Variants in CRTAC1 observed in about 807,000 individuals in gnomAD.
The protein encoded by CRTAC1 is cartilage acidic protein 1.
Under a neutral mutation model 67.8 loss-of-function variants are expected in CRTAC1, and 37 were observed. The observed-to-expected ratio is 0.55, with a 90% CI of 0.42 to 0.72. The LOEUF (loss-of-function observed/expected upper bound fraction) is 0.72, where lower values mean the gene tolerates loss of function less well. Ranked by LOEUF, CRTAC1 falls within the 30% of genes least tolerant of loss-of-function variation. The pLI, the probability that CRTAC1 is intolerant of heterozygous loss-of-function variation, is 0.00. For synonymous variants in CRTAC1, 348 were observed against 371.0 expected (o/e 0.94, Z 0.71); for missense variants, 780 against 931.6 (o/e 0.84, Z 2.12).
chr10:98,030,424 G>A lies in CRTAC1; in HGVS notation c.24+25C>T, dbSNP rs747473353. On this transcript the variant is annotated intron_variant, in intron 1 of 14. Coordinates refer to ENST00000370597, the MANE Select transcript of CRTAC1 (RefSeq NM_018058.7). This position sits in a 1 kb window ranked among gnomAD's most constrained non-coding sequence, Gnocchi z 4.2. The stretch of plus-strand genomic sequence containing the variant: ...GGAGAAACTTTCTCCGCCTTAGGGT[G>A]GGGGGCACCGGTGCAGATACTCACG... 1.6e-6 allele frequency: 2 copies of A among 1,242,468 alleles called. No homozygotes were observed. The highest frequency in any genetic ancestry group is 3.1e-5 in the East Asian group (1 of 31,802). The allele number at this position is 1,242,468 out of a possible 1,614,324, so 77.0% of individuals were successfully genotyped here.
chr10:97,902,181 C>G (rs1432216432), intron 7 of CRTAC1, among the ~76,000 whole-genome samples: 1 of 152,174 alleles, frequency 6.6e-6, no homozygotes, highest in Admixed American at 6.5e-5. Flanking sequence ...TTACTAACCC[C>G]CTTGGATCTC....
chr10:97,901,556 C>G lies in CRTAC1; in HGVS notation c.1080G>C (p.Glu360Asp). Residue 360 changes from glutamate to aspartate, a missense_variant, in exon 8 of 15, where the codon GAG (glutamate) becomes GAC (aspartate). Glu to Asp is a conservative substitution (Grantham distance 45, BLOSUM62 2). Transcript: ENST00000370597. ...GGTAGGCAATGTTGTTGAAGAAGATCTCCAGCTCCTGGTCATTGTCAAAGT... is the reference window on the plus strand; with the variant it reads ...GGTAGGCAATGTTGTTGAAGAAGATGTCCAGCTCCTGGTCATTGTCAAAGT... ...TADFDNDQEL[E>D]IFFNNIAYRS... 2 of 1,614,232 alleles carry G rather than the reference C, an allele frequency of 1.2e-6. No individual in the cohort carries two copies. Among genetic ancestry groups the G allele is most frequent in the Non-Finnish European group, 1.7e-6 (2 of 1,180,048 alleles).
At chr10:97,930,734 A>G (rs2050990886) in intron 3 of CRTAC1, among the ~76,000 whole-genome samples, 2 of 152,128 alleles carry the variant, frequency 1.3e-5, no homozygotes, top group South Asian at 4.1e-4. Flanking sequence ...GGCTGGAAGT[A>G]CCACCCATCC....
chr10:97,886,587 C>T (rs1407798861), intron 11 of CRTAC1, among the ~76,000 whole-genome samples: 5 of 152,186 alleles, frequency 3.3e-5, no homozygotes, highest in African/African-American at 7.2e-5. Flanking sequence ...AGAATTCCTT[C>T]TGCAGAAGCG....
chr10:97,968,665 G>T (rs879727660), intron 2 of CRTAC1, among the ~76,000 whole-genome samples: 1 of 152,220 alleles, frequency 6.6e-6, no homozygotes, highest in Non-Finnish European at 1.5e-5. Context: ...TCCCCAGGAA[G>T]GCAGTGCCGC....
chr10:97,898,397 G>A (rs994738184), intron 8 of CRTAC1, among the ~76,000 whole-genome samples: 9 of 152,212 alleles, frequency 5.9e-5, no homozygotes, highest in Non-Finnish European at 1.3e-4. Context: ...CAGCTAAGCT[G>A]AGACCACCAT....
intron 3 of CRTAC1, among the ~76,000 whole-genome samples, chr10:97,929,017 G>A (rs969396173): frequency 4.6e-5 from 7 of 152,100 alleles, no homozygotes; most frequent in African/African-American, 1.7e-4. Flanking sequence ...TATTTTAGGA[G>A]CTCAGGCTTG....
chr10:97,954,400 A>G (rs780508832), intron 2 of CRTAC1, among the ~76,000 whole-genome samples: 6 of 152,192 alleles, frequency 3.9e-5, no homozygotes, highest in Non-Finnish European at 8.8e-5. Context: ...TGAGCATTAC[A>G]AATCACTGAC....
chr10:97,976,383 C>T (rs540195221), intron 2 of CRTAC1, among the ~76,000 whole-genome samples: 1 of 152,308 alleles, frequency 6.6e-6, no homozygotes. Flanking sequence ...AGTATTTGGC[C>T]TGAGGCAGGT....
chr10:98,005,100 A>ATTTTTTTTTTTTTTTTTTTTG (rs1842762802), intron 2 of CRTAC1, among the ~76,000 whole-genome samples: 1 of 48,926 alleles, frequency 2.0e-5, no homozygotes, highest in Non-Finnish European at 3.5e-5. Flanking sequence ...ATATATATAT[A>ATTTTTTTTTTTTTTTTTTTTG]TTTTTTTTTT....
In CRTAC1 at chr10:97,880,359, C is replaced by T. The variant is rs1470853260; in HGVS notation, c.1709G>A (p.Cys570Tyr). 1 of 1,614,118 alleles carries T rather than the reference C, an allele frequency of 6.2e-7. No individual in the cohort carries two copies. The highest frequency in any genetic ancestry group is 2.2e-5 in the East Asian group (1 of 44,894). The change falls in exon 14 of 15, where the codon TGC becomes TAC. Residue 570 changes from cysteine to tyrosine, a missense_variant. By Grantham distance (194) the Cys-to-Tyr change is radical. Coordinates refer to ENST00000370597, the MANE Select transcript of CRTAC1 (RefSeq NM_018058.7). ...TNECIQFPFVCPRDKPVCVNT... is the reference protein window; with the variant it reads ...TNECIQFPFVYPRDKPVCVNT... ...GACACATACGGGCTTGTCTCGAGGG[C>T]ACACGAATGGGAACTGGATGCATTC... is the stretch of plus-strand genomic sequence containing the variant.
intron 2 of CRTAC1, among the ~76,000 whole-genome samples, chr10:97,999,501 A>T (rs1040902439): frequency 2.0e-5 from 3 of 152,222 alleles, no homozygotes; most frequent in African/African-American, 7.2e-5. Context: ...GCCAATGAGC[A>T]CAGAAGGGAA....
intron 3 of CRTAC1, among the ~76,000 whole-genome samples, chr10:97,929,395 G>A (rs2050969570): frequency 1.3e-5 from 2 of 152,158 alleles, no homozygotes; most frequent in Admixed American, 6.5e-5. Flanking sequence ...ATGAGGTTGT[G>A]TCATAAAGAA....
chr10:97,902,664 C>T (rs1590195579), intron 7 of CRTAC1, among the ~76,000 whole-genome samples: 1 of 152,308 alleles, frequency 6.6e-6, no homozygotes, highest in East Asian at 1.9e-4. Context: ...GGGGACATGT[C>T]TAAGTCCCAG....
At chr10:97,947,479 G>A (rs2051283687) in intron 2 of CRTAC1, among the ~76,000 whole-genome samples, 1 of 152,258 alleles carries the variant, frequency 6.6e-6, no homozygotes, top group African/African-American at 2.4e-5. Context: ...AGAAAAATAT[G>A]TTTAGGGAAT....
intron 2 of CRTAC1, among the ~76,000 whole-genome samples, chr10:97,963,351 C>T (rs1054678392): frequency 1.2e-4 from 19 of 152,200 alleles, no homozygotes; most frequent in Non-Finnish European, 2.2e-4. Flanking sequence ...TTGGGCCCCA[C>T]CCCAGACTTC....
chr10:97,915,142 A>C (rs2050740786), intron 5 of CRTAC1, among the ~76,000 whole-genome samples: 1 of 152,156 alleles, frequency 6.6e-6, no homozygotes, highest in South Asian at 2.1e-4. Context: ...GGCTGCCTCA[A>C]GTCCGGGTGC....
chr10:97,942,107 C>G (rs1438845689), intron 2 of CRTAC1, among the ~76,000 whole-genome samples: 1 of 152,206 alleles, frequency 6.6e-6, no homozygotes, highest in Non-Finnish European at 1.5e-5. Flanking sequence ...TCTTCAGAGG[C>G]TCCTCAGAGA....
rs552816596 is a variant in CRTAC1 at position 97,908,572 on chromosome 10, G to A, written c.716-425C>T. On this transcript the variant is annotated intron_variant, in intron 5 of 14. Transcript: ENST00000370597. ...TACATATGCTGGTCAAGACCACTGG[G>A]TATGTCCCAGCTTTAAGAACCTATA... is the stretch of plus-strand genomic sequence containing the variant. 6.6e-4 allele frequency among the ~76,000 whole-genome samples: 101 copies of A among 152,300 alleles called. 2 individuals carry two copies. The South Asian group carries it at 0.021, about 32-fold the overall frequency.
Sources: allele counts gnomAD v4.1 joint callset (sites outside exome capture counted in the v4.1 genomes callset), GRCh38; gene constraint gnomAD v4.1.1; non-coding constraint Gnocchi (gnomAD v3.1); transcripts MANE v1.5; gene names NCBI Gene and HGNC (gene_info 2026-07-23, HGNC 2026-07-21).